The following KIF21A variants were observed in gnomAD, a reference collection of about 807,000 sequenced individuals.
KIF21A encodes the protein kinesin family member 21A, also known as kinesin-like protein KIF21A.
KIF21A carries 114 observed loss-of-function variants against 202.9 expected under a neutral mutation model. The ratio of observed to expected loss-of-function variants is 0.56; its 90% confidence interval spans 0.48 to 0.66. KIF21A has a LOEUF of 0.66. Ranked by LOEUF, KIF21A falls within the 30% of genes least tolerant of loss-of-function variation. The probability of loss-of-function intolerance (pLI) is 0.00; values close to 1 mark genes in which losing one functional copy is unlikely to be tolerated. For synonymous variants in KIF21A, 667 were observed against 670.8 expected (o/e 0.99, Z 0.09); for missense variants, 1,677 against 1,994.9 (o/e 0.84, Z 3.04).
chr12:39,331,170 T>TATGCAAAACAC (rs748374635), intron 22 of KIF21A, among the ~76,000 whole-genome samples: 120 of 151,508 alleles, frequency 7.9e-4, no homozygotes, highest in Middle Eastern at 3.4e-3. Flanking sequence ...GAAAATTAAG[T>TATGCAAAACAC]GAGATGGCAT....
intron 1 of KIF21A, among the ~76,000 whole-genome samples, chr12:39,379,088 T>C (rs1566055151): frequency 1.3e-5 from 2 of 152,066 alleles, no homozygotes; most frequent in Non-Finnish European, 2.9e-5. Flanking sequence ...TCCCAGCACT[T>C]TGGGAGGCTG....
At chr12:39,299,604 G>A (rs1942769633) in intron 37 of KIF21A, among the ~76,000 whole-genome samples, 2 of 152,180 alleles carry the variant, frequency 1.3e-5, no homozygotes, top group Middle Eastern at 3.4e-3. Context: ...ATTACTGGGT[G>A]TATAGCAGAG....
At chr12:39,305,352 C>T (rs139547160) in intron 34 of KIF21A, among the ~76,000 whole-genome samples, 2,958 of 130,550 alleles carry the variant, frequency 0.023, 105 homozygotes, top group African/African-American at 0.082. Flanking sequence ...GGCAACAGAG[C>T]GAGAATCCGA....
intron 6 of KIF21A, among the ~76,000 whole-genome samples, chr12:39,364,994 A>G (rs956644830): frequency 3.3e-5 from 5 of 152,118 alleles, no homozygotes; most frequent in Non-Finnish European, 7.4e-5. Context: ...GTAAAACCTA[A>G]GATTGATGTT....
chr12:39,391,753 T>TTGC (rs1299963218), intron 1 of KIF21A, among the ~76,000 whole-genome samples: 2 of 151,994 alleles, frequency 1.3e-5, no homozygotes, highest in African/African-American at 4.8e-5. Flanking sequence ...GTTGTTGTTG[T>TTGC]TGTTGAGATG....
At chr12:39,311,594 G>A in intron 31 of KIF21A, 41 bp from the exon 32 acceptor site, 2 of 1,608,688 alleles carry the variant, frequency 1.2e-6, no homozygotes, top group Non-Finnish European at 1.7e-6. Flanking sequence ...ACTCACTTCA[G>A]TATCATGAGA....
At chr12:39,436,422 T>TATATATATATATATA (rs1938700156) in intron 1 of KIF21A, among the ~76,000 whole-genome samples, 1 of 99,114 alleles carries the variant, frequency 1.0e-5, no homozygotes, top group Admixed American at 1.2e-4. Flanking sequence ...GTTTACTATA[T>TATATATATATATATA]TATATATATA....
At chr12:39,315,822 TACA>T in intron 30 of KIF21A, 107 bp downstream of exon 30, 1 of 806,046 alleles carries the variant, frequency 1.2e-6, no homozygotes, top group South Asian at 1.3e-5. Flanking sequence ...TTATATGATT[TACA>T]ACAAGTGATG....
At chr12:39,321,113 T>G (rs1945197898) in intron 27 of KIF21A, among the ~76,000 whole-genome samples, 1 of 152,156 alleles carries the variant, frequency 6.6e-6, no homozygotes, top group Non-Finnish European at 1.5e-5. Context: ...TCCTGCATCA[T>G]TTAAATTATA....
At chr12:39,431,205 G>C (rs2140353518) in intron 1 of KIF21A, among the ~76,000 whole-genome samples, 1 of 152,300 alleles carries the variant, frequency 6.6e-6, no homozygotes, top group African/African-American at 2.4e-5. Flanking sequence ...ATCAGTGCCA[G>C]CCTATGTATA....
chr12:39,363,249 C>T (rs750602886), intron 6 of KIF21A, 36 bp from the exon 7 acceptor site: 6 of 1,191,614 alleles, frequency 5.0e-6, no homozygotes, highest in Non-Finnish European at 6.3e-6. Context: ...CAAAATGATA[C>T]AAATTTACTA....
intron 37 of KIF21A, among the ~76,000 whole-genome samples, chr12:39,298,448 C>T (rs1271899384): frequency 2.0e-5 from 3 of 152,148 alleles, no homozygotes; most frequent in East Asian, 3.9e-4. Flanking sequence ...TCATACAGGG[C>T]TATGAGATGT....
intron 1 of KIF21A, among the ~76,000 whole-genome samples, chr12:39,416,739 A>ATATATATGTACATATATATGTGTG (rs1566268818): frequency 3.8e-5 from 3 of 78,776 alleles, no homozygotes; most frequent in South Asian, 4.1e-4. Context: ...ATATATGTGT[A>ATATATATGTACATATATATGTGTG]TATATATATG....
chr12:39,324,806 A>T (rs570298771), intron 26 of KIF21A, among the ~76,000 whole-genome samples: 2 of 152,330 alleles, frequency 1.3e-5, no homozygotes, highest in East Asian at 3.9e-4. Context: ...GCATTACCTG[A>T]TTAACCACTG....
chr12:39,406,800 C>A (rs1952627572), intron 1 of KIF21A, among the ~76,000 whole-genome samples: 1 of 152,070 alleles, frequency 6.6e-6, no homozygotes, highest in South Asian at 2.1e-4. Context: ...TTAAATGGGC[C>A]CTCAGCACTA....
intron 15 of KIF21A, 141 bp downstream of exon 15, chr12:39,340,757 GGCACAAAC>G (rs1242787970): frequency 4.8e-6 from 3 of 631,392 alleles, no homozygotes; most frequent in Admixed American, 3.0e-5. Context: ...TTAAATAAAA[GGCACAAAC>G]TTTGACTTGC....
Position 39,332,618 on chromosome 12 carries a change from C to A in KIF21A, c.2829G>T (p.Met943Ile). 1.2e-6 allele frequency: 2 copies of A among 1,614,012 alleles called. No homozygotes were observed. Among genetic ancestry groups the A allele is most frequent in the Non-Finnish European group, 1.7e-6 (2 of 1,179,984 alleles). The change falls in exon 20 of 38, where the codon ATG becomes ATT. Residue 943 changes from methionine (M) to isoleucine (I), a missense_variant. Met to Ile is a conservative substitution (Grantham distance 10). Coordinates refer to ENST00000361418, the MANE Select transcript of KIF21A (RefSeq NM_001173464.2). ...TGAGGAGTCTATTCATATCTGCCTCCATGTTGGAAATGGTCATCTTCTGCA... is the reference window on the plus strand; with the variant it reads ...TGAGGAGTCTATTCATATCTGCCTCAATGTTGGAAATGGTCATCTTCTGCA... ...IIMQKMTISN[M>I]EADMNRLLKQ...
At chr12:39,353,430 G>C (rs1306800865) in intron 10 of KIF21A, among the ~76,000 whole-genome samples, 1 of 151,990 alleles carries the variant, frequency 6.6e-6, no homozygotes, top group Non-Finnish European at 1.5e-5. Context: ...CAAACTTCTA[G>C]GTTAATTAAA....
rs1468936451 is a variant in KIF21A at position 39,342,054 on chromosome 12, C to T, written c.1783G>A (p.Glu595Lys). The change falls in exon 13 of 38, where the codon GAA (glutamate) becomes AAA (lysine). Residue 595 changes from glutamate (E) to lysine (K), a missense_variant. By Grantham distance (56) the Glu-to-Lys change is moderately conservative (BLOSUM62 1). Transcript: ENST00000361418. ...KKEEKGVSER[E>K]NNELEVEESQ... is the part of the protein sequence containing the mutation. ...CTTACCACTTCTAATTCATTGTTTTCTCTTTCCGAAACACCCTTTTCTTCT... is the reference window on the plus strand; with the variant it reads ...CTTACCACTTCTAATTCATTGTTTTTTCTTTCCGAAACACCCTTTTCTTCT... The T allele has an allele frequency of 3.1e-6, 5 of 1,609,838 alleles. No homozygotes were observed. The highest frequency in any genetic ancestry group is 4.2e-6 in the Non-Finnish European group (5 of 1,176,492).
Sources: allele counts gnomAD v4.1 joint callset (sites outside exome capture counted in the v4.1 genomes callset), GRCh38; gene constraint gnomAD v4.1.1; transcripts MANE v1.5; gene names NCBI Gene and HGNC (gene_info 2026-07-23, HGNC 2026-07-21).